Variants in TMEM132D observed in about 807,000 individuals in gnomAD.
TMEM132D encodes the protein mature OL transmembrane protein.
In TMEM132D, 21 loss-of-function variants were observed where a neutral mutation model predicts 62.3. That is an observed-to-expected ratio of 0.34 (90% CI 0.24 to 0.49). TMEM132D has a LOEUF of 0.49. Among genes scored for constraint, TMEM132D ranks in the 20% least tolerant of loss-of-function variants. TMEM132D has a pLI of 0.99. For synonymous variants in TMEM132D, 621 were observed against 575.6 expected (o/e 1.08, Z -1.13); for missense variants, 1,346 against 1,402.8 (o/e 0.96, Z 0.65).
At chr12:129,391,867 C>T (rs995090880) in intron 3 of TMEM132D, among the ~76,000 whole-genome samples, 1 of 152,134 alleles carries the variant, frequency 6.6e-6, no homozygotes, top group East Asian at 1.9e-4. Flanking sequence ...AGTGATTCTC[C>T]TGTCTCAGCC....
intron 2 of TMEM132D, among the ~76,000 whole-genome samples, chr12:129,575,327 C>T (rs1877631264): frequency 6.6e-6 from 1 of 151,818 alleles, no homozygotes; most frequent in African/African-American, 2.4e-5. Context: ...GCCGGTCCTG[C>T]TCAGCTTGGC....
chr12:129,399,038 G>A (rs888670331), intron 3 of TMEM132D, among the ~76,000 whole-genome samples: 2 of 152,096 alleles, frequency 1.3e-5, no homozygotes, highest in Admixed American at 1.3e-4. Flanking sequence ...ATCATCCCAT[G>A]GCAGGATGTG....
intron 2 of TMEM132D, among the ~76,000 whole-genome samples, chr12:129,531,741 C>A (rs1876232520): frequency 6.6e-6 from 1 of 152,172 alleles, no homozygotes; most frequent in Non-Finnish European, 1.5e-5. Flanking sequence ...TCAAGTGATC[C>A]ACCTGCCTCA....
At chr12:129,279,624 A>C (rs1881087574) in intron 4 of TMEM132D, among the ~76,000 whole-genome samples, 1 of 152,100 alleles carries the variant, frequency 6.6e-6, no homozygotes, top group Non-Finnish European at 1.5e-5. Flanking sequence ...AATGAATTAG[A>C]GTGAATCCTT....
chr12:129,832,474 A>T (rs1490445972), intron 1 of TMEM132D, among the ~76,000 whole-genome samples: 1 of 152,144 alleles, frequency 6.6e-6, no homozygotes, highest in East Asian at 1.9e-4. Context: ...AAGCTTGCAG[A>T]CCCTGCACTA....
chr12:129,832,703 C>T (rs902861684), intron 1 of TMEM132D, among the ~76,000 whole-genome samples: 3 of 152,120 alleles, frequency 2.0e-5, no homozygotes, highest in East Asian at 1.9e-4. Context: ...AGTCAGGGGA[C>T]GCTGCAGGCA....
At chr12:129,882,245 G>C (rs563218604) in intron 1 of TMEM132D, among the ~76,000 whole-genome samples, 1 of 151,890 alleles carries the variant, frequency 6.6e-6, no homozygotes, top group South Asian at 2.1e-4. Context: ...GAAAATAGAA[G>C]GAAATACTCC....
intron 1 of TMEM132D, among the ~76,000 whole-genome samples, chr12:129,894,749 T>C (rs1875048571): frequency 6.6e-6 from 1 of 152,144 alleles, no homozygotes; most frequent in Non-Finnish European, 1.5e-5. Flanking sequence ...AGTTTCTCTT[T>C]TTTTTTTCCT....
intron 2 of TMEM132D, among the ~76,000 whole-genome samples, chr12:129,551,066 G>A (rs559820381): frequency 6.6e-6 from 1 of 152,296 alleles, no homozygotes; most frequent in South Asian, 2.1e-4. Context: ...CCCCAACGGG[G>A]GTCCCAGGCA....
At chr12:129,748,086 G>A (rs1869875672) in intron 1 of TMEM132D, among the ~76,000 whole-genome samples, 1 of 152,162 alleles carries the variant, frequency 6.6e-6, no homozygotes, top group African/African-American at 2.4e-5. Context: ...ATAAGTATGA[G>A]CATTGCTCAG....
At chr12:129,681,836 G>A (rs1880785467) in intron 2 of TMEM132D, among the ~76,000 whole-genome samples, 1 of 152,172 alleles carries the variant, frequency 6.6e-6, no homozygotes. Context: ...AGCTGTGATT[G>A]GATGCACTGA....
intron 5 of TMEM132D, among the ~76,000 whole-genome samples, chr12:129,178,322 C>T (rs1463317233): frequency 6.6e-6 from 1 of 152,022 alleles, no homozygotes; most frequent in Admixed American, 6.6e-5. Flanking sequence ...GTATTTCTGC[C>T]TCTAGGTCTT....
Position 129,394,968 on chromosome 12 carries a change from T to C in TMEM132D, c.1116-57151A>G, listed in dbSNP as rs376961606. On this transcript the variant is annotated intron_variant, in intron 3 of 8. Transcript: ENST00000422113. ...GACTTGTATACTCAGAAGGGGTGAATTTTATGGAATGTAAATTATGCTTTG... is the reference window on the plus strand; with the variant it reads ...GACTTGTATACTCAGAAGGGGTGAACTTTATGGAATGTAAATTATGCTTTG... 1.8e-4 allele frequency among the ~76,000 whole-genome samples: 28 copies of C among 152,230 alleles called. No homozygotes were observed. In the East Asian group the frequency reaches 2.1e-3, roughly 12 times the overall value.
At chr12:129,160,276 C>A (rs1877364557) in intron 5 of TMEM132D, among the ~76,000 whole-genome samples, 1 of 152,210 alleles carries the variant, frequency 6.6e-6, no homozygotes, top group Admixed American at 6.5e-5. Context: ...CTCCTACTCC[C>A]AGGCCAAGTG....
At chr12:129,809,032 G>T (rs1297804729) in intron 1 of TMEM132D, among the ~76,000 whole-genome samples, 4 of 152,216 alleles carry the variant, frequency 2.6e-5, no homozygotes, top group African/African-American at 9.6e-5. Context: ...ATGTGGCCGG[G>T]CGCAGTGGCT....
intron 2 of TMEM132D, among the ~76,000 whole-genome samples, chr12:129,658,781 G>C (rs1339536509): frequency 6.6e-6 from 1 of 152,146 alleles, no homozygotes; most frequent in East Asian, 1.9e-4. Context: ...TGACTGCTCT[G>C]AGCCCACCAA....
chr12:129,272,435 GA>G (rs1309512751), intron 4 of TMEM132D, among the ~76,000 whole-genome samples: 1 of 151,816 alleles, frequency 6.6e-6, no homozygotes, highest in Non-Finnish European at 1.5e-5. Flanking sequence ...TTGAATTAAG[GA>G]AATTAGGAAT....
intron 5 of TMEM132D, among the ~76,000 whole-genome samples, chr12:129,087,875 GTGTCCTCCCTGACCGGGGT>G (rs1874676633): frequency 7.4e-6 from 1 of 135,564 alleles, no homozygotes; most frequent in African/African-American, 3.0e-5. Flanking sequence ...CCATGACCGG[GTGTCCTCCCTGACCGGGGT>G]GTCCTCCCTG....
intron 3 of TMEM132D, among the ~76,000 whole-genome samples, chr12:129,429,490 C>T (rs7978886): frequency 0.38 from 57,321 of 151,866 alleles, 11,067 homozygotes; most frequent in African/African-American, 0.45. Context: ...TTGGCTTCCA[C>T]AAGGAAACAG....
Sources: allele counts gnomAD v4.1 joint callset (sites outside exome capture counted in the v4.1 genomes callset), GRCh38; gene constraint gnomAD v4.1.1; transcripts MANE v1.5; gene names NCBI Gene and HGNC (gene_info 2026-07-23, HGNC 2026-07-21).